The following DNAAF8 variants were observed in gnomAD, a reference collection of about 807,000 sequenced individuals.
DNAAF8 encodes the protein dynein axonemal assembly factor 8.
DNAAF8 carries 61 observed loss-of-function variants against 54.6 expected under a neutral mutation model. The ratio of observed to expected loss-of-function variants is 1.12; its 90% CI spans 0.91 to 1.38. The LOEUF (loss-of-function observed/expected upper bound fraction) is 1.38. Among genes scored for constraint, DNAAF8 ranks in the 40% most tolerant of loss-of-function variants. The pLI is 0.00. For missense variants in DNAAF8, 837 were observed against 665.0 expected, an observed-to-expected ratio of 1.26 and a Z score of -2.85; for synonymous variants, 320 against 270.1, an observed-to-expected ratio of 1.18 and a Z score of -1.81.
intron 1 of DNAAF8, chr16:4,735,226 G>C (rs2081867324): frequency 6.6e-6 from 1 of 152,252 alleles, no homozygotes; most frequent in South Asian, 2.1e-4. Flanking sequence ...GTCTCTGGAG[G>C]CCCTCTTCAT....
intron 1 of DNAAF8, among the ~76,000 whole-genome samples, 177 bp from the exon 2 acceptor site, chr16:4,736,287 A>C (rs551050895): frequency 5.0e-5 from 5 of 99,234 alleles, no homozygotes; most frequent in Non-Finnish European, 1.2e-4. Flanking sequence ...GGGAACACAC[A>C]CACACACGTA....
chr16:4,739,691 C>T (rs1165297517), intron 3 of DNAAF8, among the ~76,000 whole-genome samples: 4 of 151,214 alleles, frequency 2.6e-5, no homozygotes, highest in African/African-American at 7.3e-5. Flanking sequence ...TGGGATTACA[C>T]GCACGCCACT....
At chr16:4,736,754 G>T in intron 2 of DNAAF8, 111 bp downstream of exon 2, 1 of 1,181,970 alleles carries the variant, frequency 8.5e-7, no homozygotes, top group Non-Finnish European at 1.1e-6. Context: ...GCTGACCTGT[G>T]CAGTTTGTTG....
At position 4,737,702 on chromosome 16, in the gene DNAAF8, G is replaced by C. The variant is rs2081913845; in HGVS notation, c.130-98G>C. 10 of 1,453,510 alleles carry C rather than the reference G, an allele frequency of 6.9e-6. No homozygotes were observed. The South Asian group carries it at 1.0e-4, about 15-fold the overall frequency. The allele number at this position is 1,453,510 out of a possible 1,614,324, so 90.0% of individuals were successfully genotyped here. A position where few individuals can be genotyped will look rare whatever the true frequency, so the allele number is the denominator to read the frequency against. The stretch of plus-strand genomic sequence containing the variant: ...GGGCTGGATGGGCTGGGCGGGCTGG[G>C]CTGGAAGTGAGAGTGGAGAGTGGAG... On this transcript the variant is annotated intron_variant, in intron 2 of 9. Transcript: ENST00000299320.
At chr16:4,735,845 A>G (rs1166520681) in intron 1 of DNAAF8, among the ~76,000 whole-genome samples, 1 of 152,166 alleles carries the variant, frequency 6.6e-6, no homozygotes, top group African/African-American at 2.4e-5. Flanking sequence ...AGTCCCAGTT[A>G]TTCAGGAGGC....
intron 1 of DNAAF8, chr16:4,735,101 C>G (rs1402152129): frequency 2.0e-5 from 3 of 152,404 alleles, no homozygotes; most frequent in South Asian, 2.1e-4. Flanking sequence ...CTGACACTTT[C>G]TTCCCTTAAA....
At chr16:4,738,508 G>A (rs552371523) in intron 3 of DNAAF8, among the ~76,000 whole-genome samples, 3 of 152,350 alleles carry the variant, frequency 2.0e-5, no homozygotes. Context: ...GCCAACGCAG[G>A]CCTGTGTTGC....
rs1204737004 is a variant in DNAAF8, at chr16:4,748,995, C to T, written c.*280C>T. 6.6e-6 allele frequency: 1 copy of T among 152,326 alleles called. No homozygotes were observed. Among genetic ancestry groups the T allele is most frequent in the Admixed American group, 6.5e-5 (1 of 15,290 alleles). The allele number at this position is 152,326 out of a possible 1,614,324, so 9.4% of individuals were successfully genotyped here. A position where few individuals can be genotyped will look rare whatever the true frequency, so the allele number is the denominator to read the frequency against. On this transcript the variant is annotated 3_prime_UTR_variant, in exon 10 of 10. Transcript: ENST00000299320. ...GCTACAGATGTCTGCTCTCTGGACC[C>T]CACGTGATCTGGCCACTGGGGACCC...
chr16:4,741,481 G>C (rs978423547), intron 4 of DNAAF8, among the ~76,000 whole-genome samples: 4 of 152,166 alleles, frequency 2.6e-5, no homozygotes, highest in Non-Finnish European at 4.4e-5. Flanking sequence ...CAGGATGACA[G>C]TGCCGGTTTA....
chr16:4,737,982 G>C lies in DNAAF8; in HGVS notation c.276+36G>C, dbSNP rs115940628. ...CACAGAAGAGTATACGCCTGTGTGT[G>C]TGCGATGTTAGTCTAAACTGACTGG... is the stretch of plus-strand genomic sequence containing the variant. On this transcript the variant is annotated intron_variant, in intron 3 of 9. Transcript: ENST00000299320. 800 of 1,602,830 alleles carry C rather than the reference G, an allele frequency of 5.0e-4. 4 individuals carry two copies. In the African/African-American group the frequency reaches 9.6e-3, roughly 19 times the overall value.
intron 2 of DNAAF8, 89 bp downstream of exon 2, chr16:4,736,732 A>G (rs1162936539): frequency 1.9e-5 from 25 of 1,289,124 alleles, no homozygotes; most frequent in Non-Finnish European, 2.1e-5. Context: ...CACTTCTCTG[A>G]AGACTTTTCC....
At chr16:4,746,594 T>C (rs759988) in intron 7 of DNAAF8, 82 bp downstream of exon 7, 952,380 of 1,466,050 alleles carry the variant, frequency 0.65, 311,492 homozygotes, top group East Asian at 0.69. Context: ...TGGTGGATCC[T>C]GATGGGGAGG....
chr16:4,735,055 C>T (rs1479406670), intron 1 of DNAAF8: 1 of 152,316 alleles, frequency 6.6e-6, no homozygotes, highest in African/African-American at 2.4e-5. Flanking sequence ...CAGGGCCCTG[C>T]ATTGTCTGGT....
chr16:4,746,794 T>C (rs2082022804), intron 7 of DNAAF8, 133 bp from the exon 8 acceptor site: 2 of 866,558 alleles, frequency 2.3e-6, no homozygotes, highest in Admixed American at 6.3e-5. Context: ...TGGCAGGACG[T>C]CCACCGGCCT....
At position 4,739,265 on chromosome 16, in the gene DNAAF8, G is replaced by GGTTTTTTTT. The variant is rs1555482695; in HGVS notation, c.277-888_277-887insGTTTTTTTT. ...AAACTCTTCTGGATGATTTTTTCTT[G>GGTTTTTTTT]TTTTTTTTTTTTTTTTTTTTTGTAA... On this transcript the variant is annotated intron_variant, in intron 3 of 9. Coordinates refer to ENST00000299320, the MANE Select transcript of DNAAF8 (RefSeq NM_139170.3). 1.3e-4 allele frequency among the ~76,000 whole-genome samples: 9 copies of GGTTTTTTTT among 69,030 alleles called. 1 individual carries two copies. Among genetic ancestry groups the GGTTTTTTTT allele is most frequent in the Non-Finnish European group, 2.3e-4 (9 of 38,442 alleles). 45.3% of individuals were successfully genotyped at this position (69,030 alleles called of 152,430 possible).
Position 4,736,569 on chromosome 16 carries a change from C to G in DNAAF8, c.55C>G (p.Gln19Glu). The G allele has an allele frequency of 6.3e-7, 1 of 1,590,190 alleles. No individual in the cohort carries two copies. Among genetic ancestry groups the G allele is most frequent in the Non-Finnish European group, 8.6e-7 (1 of 1,164,698 alleles). ...CTCGCTGGGCTCTCCCTGGGCCTCC[C>G]AGATGGGGCCCTGGGATGCCATCCT... ...APSLGSPWAS[Q>E]MGPWDAILKA... is the part of the protein sequence containing the mutation. Residue 19 changes from glutamine (Q) to glutamate (E), a missense_variant, in exon 2 of 10, where the codon CAG becomes GAG. By Grantham distance (29) the Gln-to-Glu change is conservative. Transcript: ENST00000299320.
rs775944209 is a variant in DNAAF8 at position 4,740,273 on chromosome 16, G to C, written c.397G>C (p.Val133Leu). 12 of 1,613,938 alleles carry C rather than the reference G, an allele frequency of 7.4e-6. No individual in the cohort carries two copies. Among genetic ancestry groups the C allele is most frequent in the South Asian group, 3.3e-5 (3 of 91,088 alleles). Reference protein sequence around the residue: ...PGRPFESSGEVSALLGMAEEP... With the variant: ...PGRPFESSGELSALLGMAEEP... ...CAGGCCTTTTGAAAGCTCTGGTGAG[G>C]TCAGCGCTCTTCTTGGGATGGCCGA... Residue 133 changes from valine (V) to leucine (L), a missense_variant, in exon 4 of 10, where the codon GTC becomes CTC. Val to Leu is a conservative substitution (Grantham distance 32). Coordinates refer to ENST00000299320, the MANE Select transcript of DNAAF8 (RefSeq NM_139170.3).
intron 1 of DNAAF8, among the ~76,000 whole-genome samples, chr16:4,735,585 C>G (rs971715162): frequency 6.6e-6 from 1 of 151,782 alleles, no homozygotes; most frequent in African/African-American, 2.4e-5. Flanking sequence ...ACAGGACCAT[C>G]TCCTTTAAGA....
In DNAAF8 at chr16:4,736,544, C is replaced by T. The variant is rs757245402; in HGVS notation, c.30C>T (p.Pro10=). The T allele has an allele frequency of 6.4e-7, 1 of 1,573,212 alleles. No homozygotes were observed. The highest frequency in any genetic ancestry group is 1.8e-5 in the Admixed American group (1 of 56,480). The change falls in exon 2 of 10, where the codon CCC becomes CCT. Residue 10 remains proline, a synonymous_variant. Coordinates refer to ENST00000299320, the MANE Select transcript of DNAAF8 (RefSeq NM_139170.3). ...CATCCAACGATAAAGGCATGGCACC[C>T]TCGCTGGGCTCTCCCTGGGCCTCCC... MASNDKGMA[P]SLGSPWASQM...
Sources: allele counts gnomAD v4.1 joint callset (sites outside exome capture counted in the v4.1 genomes callset), GRCh38; gene constraint gnomAD v4.1.1; transcripts MANE v1.5; gene names NCBI Gene and HGNC (gene_info 2026-07-23, HGNC 2026-07-21).